The following TRIM36 variants were observed in gnomAD, a reference collection of about 807,000 sequenced individuals.
TRIM36 encodes E3 ubiquitin-protein ligase TRIM36.
TRIM36 carries 42 observed loss-of-function variants against 72.4 expected under a neutral mutation model. The ratio of observed to expected loss-of-function variants is 0.58; its 90% CI spans 0.45 to 0.75. The LOEUF (loss-of-function observed/expected upper bound fraction) is 0.75, where lower values mean the gene tolerates loss of function less well. TRIM36 is among the 30% of genes least tolerant of loss of function. TRIM36 has a pLI of 0.00. For missense variants in TRIM36, 913 were observed against 857.1 expected, an observed-to-expected ratio of 1.07 and a Z score of -0.81; for synonymous variants, 315 against 282.8, an observed-to-expected ratio of 1.11 and a Z score of -1.14.
chr5:115,142,573 T>C (rs1426923552), intron 4 of TRIM36, among the ~76,000 whole-genome samples: 2 of 152,192 alleles, frequency 1.3e-5, no homozygotes, highest in African/African-American at 2.4e-5. Flanking sequence ...TGAGTTTTAA[T>C]GCTCAAAGTA....
At chr5:115,173,717 C>T (rs1278957878), upstream of TRIM36, among the ~76,000 whole-genome samples, 1 of 152,132 alleles carries the variant, frequency 6.6e-6, no homozygotes, top group Non-Finnish European at 1.5e-5. Context: ...TCATTATTCC[C>T]CTATTTTACA....
intron 1 of TRIM36, chr5:115,177,454 C>A: frequency 9.5e-7 from 1 of 1,048,888 alleles, no homozygotes; most frequent in Non-Finnish European, 1.2e-6. Context: ...GACCAGTTTC[C>A]CATTATTCTT....
chr5:115,131,407 G>A (rs1483458215), intron 8 of TRIM36, among the ~76,000 whole-genome samples: 2 of 152,142 alleles, frequency 1.3e-5, no homozygotes, highest in East Asian at 3.9e-4. Flanking sequence ...CTTTTGGGTT[G>A]AGAGAGACCT....
intron 4 of TRIM36, 29 bp from the exon 5 acceptor site, chr5:115,141,403 G>A: frequency 6.7e-7 from 1 of 1,499,744 alleles, no homozygotes; most frequent in Non-Finnish European, 9.0e-7. Context: ...AACACAAATA[G>A]ACAAAACGGG....
At chr5:115,178,002 T>G (rs1755423777) in intron 1 of TRIM36, 2 of 960,758 alleles carry the variant, frequency 2.1e-6, no homozygotes, top group Non-Finnish European at 3.1e-6. Flanking sequence ...GAGGGTTTTG[T>G]TTTTGTTTAC....
chr5:115,180,288 A>C, upstream of TRIM36: 1 of 362,918 alleles, frequency 2.8e-6, no homozygotes, highest in Non-Finnish European at 5.0e-6. Context: ...GCGCGATCTA[A>C]CGGAACAAAC....
intron 1 of TRIM36, among the ~76,000 whole-genome samples, chr5:115,178,240 T>G (rs895088895): frequency 2.0e-4 from 31 of 152,202 alleles, no homozygotes; most frequent in African/African-American, 7.2e-4. Flanking sequence ...CTGAGCGCCA[T>G]AGGACAAAAT....
Position 115,147,410 on chromosome 5 carries a change from G to A in TRIM36, c.263-16C>T. On this transcript the variant is annotated splice_polypyrimidine_tract_variant and intron_variant, in intron 2 of 9. Coordinates refer to ENST00000513154, the MANE Select transcript of TRIM36 (RefSeq NM_001300759.2). ...CGCTTCCAGCCTGTGTAATTAGTAA[G>A]TCTTTGTTTAGTTATAGCAGTAGGA... The A allele has an allele frequency of 6.2e-7, 1 of 1,603,450 alleles. No homozygotes were observed. Among genetic ancestry groups the A allele is most frequent in the Non-Finnish European group, 8.5e-7 (1 of 1,171,662 alleles).
chr5:115,175,231 T>C (rs771351624), intron 1 of TRIM36, among the ~76,000 whole-genome samples: 7 of 152,148 alleles, frequency 4.6e-5, no homozygotes, highest in Non-Finnish European at 7.4e-5. Flanking sequence ...CTACCTCCAC[T>C]TCTTAATGAT....
At chr5:115,170,003 C>A, upstream of TRIM36, 1 of 1,092,454 alleles carries the variant, frequency 9.2e-7, no homozygotes. Flanking sequence ...GCGCCAGTCG[C>A]ACAAAAGAGG....
intron 2 of TRIM36, among the ~76,000 whole-genome samples, chr5:115,156,368 A>G (rs537999648): frequency 1.3e-5 from 2 of 152,314 alleles, no homozygotes; most frequent in South Asian, 4.1e-4. Context: ...CAAGACTAAT[A>G]AGCAAAAAGA....
upstream of TRIM36, among the ~76,000 whole-genome samples, chr5:115,173,691 C>A (rs937849565): frequency 3.9e-5 from 6 of 152,166 alleles, no homozygotes; most frequent in Admixed American, 3.9e-4. Context: ...CATGAAATAT[C>A]TGAACTTTAA....
At chr5:115,142,698 G>T (rs561133741) in intron 4 of TRIM36, among the ~76,000 whole-genome samples, 4 of 152,276 alleles carry the variant, frequency 2.6e-5, no homozygotes, top group South Asian at 2.1e-4. Context: ...TTTTAAGCAA[G>T]AATCAGGATG....
At chr5:115,161,390 C>G (rs1253641904) in intron 2 of TRIM36, among the ~76,000 whole-genome samples, 2 of 152,140 alleles carry the variant, frequency 1.3e-5, no homozygotes, top group Non-Finnish European at 2.9e-5. Flanking sequence ...CCACCCACAG[C>G]AGAAACACCC....
At chr5:115,131,127 T>C (rs1275995933) in intron 8 of TRIM36, among the ~76,000 whole-genome samples, 2 of 152,064 alleles carry the variant, frequency 1.3e-5, no homozygotes, top group African/African-American at 4.8e-5. Context: ...ATTTTAAATA[T>C]ATGTGAAAAT....
chr5:115,138,265 T>C (rs1473943907), intron 5 of TRIM36, among the ~76,000 whole-genome samples: 3 of 151,986 alleles, frequency 2.0e-5, no homozygotes, highest in Non-Finnish European at 4.4e-5. Context: ...ACGCCCAGCT[T>C]TTTTTCAATA....
At chr5:115,128,233 G>GT (rs1199721523) in intron 9 of TRIM36, among the ~76,000 whole-genome samples, 1 of 151,790 alleles carries the variant, frequency 6.6e-6, no homozygotes, top group Non-Finnish European at 1.5e-5. Context: ...GCTGGGTGTG[G>GT]TGGCGCATGC....
exon 1 of TRIM36, chr5:115,180,129 G>C: frequency 7.8e-7 from 1 of 1,286,668 alleles, no homozygotes; most frequent in Non-Finnish European, 1.1e-6. Context: ...TCTGAGTTTT[G>C]CCGAGCTCCC....
chr5:115,135,948 A>G (rs985814072), intron 7 of TRIM36, among the ~76,000 whole-genome samples: 2 of 152,164 alleles, frequency 1.3e-5, no homozygotes, highest in Non-Finnish European at 2.9e-5. Context: ...TTATACTATA[A>G]ATATATCTTT....
Sources: gnomAD v4.1 joint callset for allele counts (sites outside exome capture counted in the v4.1 genomes callset) on GRCh38, gnomAD v4.1.1 for gene constraint, MANE v1.5 for transcripts, NCBI Gene and HGNC (gene_info 2026-07-23, HGNC 2026-07-21) for gene names.